MICU1: variants seen among roughly 807,000 people sequenced by gnomAD.
MICU1 encodes the protein mitochondrial calcium uptake 1.
A neutral mutation model predicts 56.8 loss-of-function variants in MICU1; 45 were observed. The observed-to-expected ratio is 0.79, with a 90% confidence interval of 0.62 to 1.02. The LOEUF (loss-of-function observed/expected upper bound fraction) is 1.02. MICU1 is among the 50% of genes least tolerant of loss of function. The pLI is 0.00. For missense variants in MICU1, 504 were observed against 587.1 expected (o/e 0.86, Z 1.46); for synonymous variants, 186 against 195.1 (o/e 0.95, Z 0.39).
intron 1 of MICU1, among the ~76,000 whole-genome samples, chr10:72,607,853 G>A (rs761286230): frequency 1.3e-5 from 2 of 151,106 alleles, no homozygotes; most frequent in South Asian, 2.1e-4. Context: ...ATTAACCTGT[G>A]GGGGGGGTCT....
intron 1 of MICU1, among the ~76,000 whole-genome samples, chr10:72,611,824 T>A (rs1012460273): frequency 1.3e-5 from 2 of 151,926 alleles, no homozygotes; most frequent in Admixed American, 1.3e-4. Flanking sequence ...AGCAACTCCA[T>A]CACTGTCACA....
intron 6 of MICU1, among the ~76,000 whole-genome samples, chr10:72,494,170 C>T (rs1453915043): frequency 6.6e-6 from 1 of 152,140 alleles, no homozygotes; most frequent in East Asian, 1.9e-4. Flanking sequence ...ACAATTTAAC[C>T]TTAGGGCCGA....
intron 3 of MICU1, among the ~76,000 whole-genome samples, chr10:72,553,317 T>A (rs1333654309): frequency 6.7e-6 from 1 of 150,356 alleles, no homozygotes; most frequent in East Asian, 2.0e-4. Context: ...CACTGCAAGC[T>A]CTACCTCCCG....
At chr10:72,409,869 C>T (rs182716613) in intron 9 of MICU1, among the ~76,000 whole-genome samples, 1 of 151,956 alleles carries the variant, frequency 6.6e-6, no homozygotes, top group African/African-American at 2.4e-5. Flanking sequence ...ACCCACAGAA[C>T]CTTCATTTAG....
chr10:72,448,721 C>T (rs1439368654), intron 8 of MICU1, among the ~76,000 whole-genome samples: 2 of 151,824 alleles, frequency 1.3e-5, no homozygotes, highest in African/African-American at 4.8e-5. Flanking sequence ...ATCTAATGGG[C>T]CACACTGTAT....
intron 3 of MICU1, among the ~76,000 whole-genome samples, chr10:72,557,767 T>C (rs940009122): frequency 4.6e-5 from 7 of 152,200 alleles, no homozygotes; most frequent in Non-Finnish European, 8.8e-5. Flanking sequence ...TATAGATGCA[T>C]GCATATAAAT....
chr10:72,385,139 C>T (rs996871838), intron 10 of MICU1, among the ~76,000 whole-genome samples: 2 of 152,012 alleles, frequency 1.3e-5, no homozygotes, highest in Admixed American at 6.6e-5. Flanking sequence ...GTGTGGAAGT[C>T]GCTGAACCTG....
chr10:72,511,043 T>C (rs1256839892), intron 5 of MICU1, among the ~76,000 whole-genome samples: 2 of 152,244 alleles, frequency 1.3e-5, no homozygotes, highest in African/African-American at 4.8e-5. Flanking sequence ...TTAGTTGTCA[T>C]GTCTCTTTAG....
Position 72,613,915 on chromosome 10 carries a change from T to TG in MICU1, c.-2+12094dup, listed in dbSNP as rs747265507. 4.8e-4 allele frequency among the ~76,000 whole-genome samples: 73 copies of TG among 152,094 alleles called. 1 individual carries two copies. The highest frequency in any genetic ancestry group is 8.4e-4 in the Non-Finnish European group (57 of 67,974). On this transcript the variant is annotated intron_variant, in intron 1 of 11. Coordinates refer to ENST00000361114, the MANE Select transcript of MICU1 (RefSeq NM_001195518.2). ...ATCCCAGCACTTTGGGAGGCTGAGGTGGGGGGATCACCTGAGGTCACGAGT... is the reference window on the plus strand; with the variant it reads ...ATCCCAGCACTTTGGGAGGCTGAGGTGGGGGGGATCACCTGAGGTCACGAGT...
intron 4 of MICU1, among the ~76,000 whole-genome samples, chr10:72,550,843 C>T (rs759692262): frequency 6.6e-6 from 1 of 152,102 alleles, no homozygotes; most frequent in African/African-American, 2.4e-5. Context: ...TAATTTCATA[C>T]TTTATAAGTT....
chr10:72,557,816 T>C (rs1333883951), intron 3 of MICU1, among the ~76,000 whole-genome samples: 1 of 152,208 alleles, frequency 6.6e-6, no homozygotes, highest in Non-Finnish European at 1.5e-5. Flanking sequence ...ATAGTTTCCT[T>C]CCATTTTTCT....
At chr10:72,512,949 C>A (rs543867787) in intron 5 of MICU1, among the ~76,000 whole-genome samples, 4 of 152,222 alleles carry the variant, frequency 2.6e-5, no homozygotes, top group African/African-American at 9.6e-5. Flanking sequence ...AAGCAATCTG[C>A]GTGCCTCAGC....
At chr10:72,518,164 C>T (rs2132373843) in intron 5 of MICU1, among the ~76,000 whole-genome samples, 1 of 151,988 alleles carries the variant, frequency 6.6e-6, no homozygotes, top group African/African-American at 2.4e-5. Flanking sequence ...TCCTGAGTAG[C>T]TGGGATTACA....
rs958476961 is a variant in MICU1, at chr10:72,397,919, T to C, written c.1180+10010A>G. Among the ~76,000 whole-genome samples, 4 of 152,326 alleles carry C rather than the reference T, an allele frequency of 2.6e-5. No individual in the cohort carries two copies. In the East Asian group the frequency reaches 7.7e-4, roughly 29 times the overall value. ...GATATCCAGGACCTGAACTCAGCTC[T>C]GCACCAAGTGGACCTAATAGACATC... is the stretch of plus-strand genomic sequence containing the variant. On this transcript the variant is annotated intron_variant, in intron 10 of 11. Coordinates refer to ENST00000361114, the MANE Select transcript of MICU1 (RefSeq NM_001195518.2).
chr10:72,474,526 C>T (rs1304574489), intron 8 of MICU1, among the ~76,000 whole-genome samples: 2 of 152,222 alleles, frequency 1.3e-5, no homozygotes, highest in African/African-American at 4.8e-5. Flanking sequence ...AGCAACATTG[C>T]CTTAAACAAT....
At chr10:72,471,832 A>G (rs954677141) in intron 8 of MICU1, among the ~76,000 whole-genome samples, 5 of 152,150 alleles carry the variant, frequency 3.3e-5, no homozygotes, top group Non-Finnish European at 5.9e-5. Context: ...TCACACAAAC[A>G]TTGTTAGATG....
Position 72,377,746 on chromosome 10 carries a change from T to C in MICU1, c.1181-1874A>G, listed in dbSNP as rs148299704. On this transcript the variant is annotated intron_variant, in intron 10 of 11. Coordinates refer to ENST00000361114, the MANE Select transcript of MICU1 (RefSeq NM_001195518.2). ...CATTTATGCTGGTAATGAAGAGCTC[T>C]CTATAATCATCACATTAGATTCATC... Among the ~76,000 whole-genome samples the C allele has an allele frequency of 5.1e-3, 782 of 152,350 alleles. 3 individuals are homozygous for C. The highest frequency in any genetic ancestry group is 0.018 in the African/African-American group (748 of 41,588).
At chr10:72,379,670 AT>A (rs1333218886) in intron 10 of MICU1, 2 of 329,888 alleles carry the variant, frequency 6.1e-6, no homozygotes, top group Admixed American at 3.7e-5. Flanking sequence ...TTAAATTGGT[AT>A]TAAGTGGTTG....
chr10:72,594,924 C>T (rs1206205198), intron 1 of MICU1, among the ~76,000 whole-genome samples: 1 of 23,078 alleles, frequency 4.3e-5, no homozygotes, highest in African/African-American at 2.9e-4. Flanking sequence ...AAAGTACAAT[C>T]CAAAAAAAAA....
Sources: allele counts gnomAD v4.1 joint callset (sites outside exome capture counted in the v4.1 genomes callset), GRCh38; gene constraint gnomAD v4.1.1; transcripts MANE v1.5; gene names NCBI Gene and HGNC (gene_info 2026-07-23, HGNC 2026-07-21).